The following SGCZ variants were observed in gnomAD, a reference collection of about 807,000 sequenced individuals.
SGCZ encodes the protein zeta-sarcoglycan.
SGCZ carries 40 observed loss-of-function variants against 41.3 expected under a neutral mutation model. The ratio of observed to expected loss-of-function variants is 0.97; its 90% CI spans 0.75 to 1.26. The LOEUF is 1.26. Ranked by LOEUF, SGCZ falls within the 50% of genes most tolerant of loss-of-function variation. SGCZ has a pLI of 0.00. For synonymous variants in SGCZ, 206 were observed against 137.5 expected (o/e 1.50, Z -3.49); for missense variants, 552 against 369.8 (o/e 1.49, Z -4.04).
At chr8:14,867,665 G>A (rs988907142) in intron 1 of SGCZ, among the ~76,000 whole-genome samples, 2 of 151,976 alleles carry the variant, frequency 1.3e-5, no homozygotes, top group African/African-American at 4.8e-5. Context: ...ACTAACACAG[G>A]AACAGAAAAC....
intron 3 of SGCZ, among the ~76,000 whole-genome samples, chr8:14,310,792 G>A (rs1278907896): frequency 1.3e-5 from 2 of 152,048 alleles, no homozygotes; most frequent in Non-Finnish European, 2.9e-5. Context: ...TGTCTTCCAT[G>A]TGAACATTTT....
At position 14,757,522 on chromosome 8, in the gene SGCZ, T is replaced by A. The variant is rs188541903; in HGVS notation, c.40-202596A>T. ...TCAGAGAATAGAAACCTCAGAGCAGTCTAGACTCCTGCAACAGAAATCTTT... is the reference window on the plus strand; with the variant it reads ...TCAGAGAATAGAAACCTCAGAGCAGACTAGACTCCTGCAACAGAAATCTTT... On this transcript the variant is annotated intron_variant, in intron 1 of 7. Transcript: ENST00000382080. 2.6e-5 allele frequency among the ~76,000 whole-genome samples: 4 copies of A among 152,230 alleles called. No homozygotes were observed. The East Asian group carries it at 7.7e-4, about 29-fold the overall frequency.
At chr8:15,055,726 C>A (rs1031091742) in intron 1 of SGCZ, among the ~76,000 whole-genome samples, 2 of 152,154 alleles carry the variant, frequency 1.3e-5, no homozygotes, top group South Asian at 4.1e-4. Flanking sequence ...GCAATGCTTG[C>A]GCAGCTCTCC....
intron 1 of SGCZ, among the ~76,000 whole-genome samples, chr8:14,577,808 TAATC>T (rs1804761221): frequency 6.6e-6 from 1 of 152,230 alleles, no homozygotes; most frequent in Non-Finnish European, 1.5e-5. Context: ...GTGTGTATTG[TAATC>T]AATCAGGCCA....
intron 2 of SGCZ, among the ~76,000 whole-genome samples, chr8:14,439,323 A>ATATATATATATG (rs1296442315): frequency 6.7e-6 from 1 of 148,266 alleles, no homozygotes; most frequent in Non-Finnish European, 1.5e-5. Context: ...ATATATATAT[A>ATATATATATATG]TATATATCTC....
intron 1 of SGCZ, among the ~76,000 whole-genome samples, chr8:15,115,151 G>C (rs1414810357): frequency 1.3e-5 from 2 of 152,196 alleles, no homozygotes; most frequent in African/African-American, 4.8e-5. Flanking sequence ...ACTCCATGCA[G>C]TGATTCAGAG....
intron 2 of SGCZ, among the ~76,000 whole-genome samples, chr8:14,441,870 G>A (rs1800281398): frequency 6.6e-6 from 1 of 152,086 alleles, no homozygotes; most frequent in African/African-American, 2.4e-5. Context: ...CACTGAGAAT[G>A]TTTGTCTTAA....
At position 14,116,262 on chromosome 8, in the gene SGCZ, C is replaced by T. The variant is rs550464134; in HGVS notation, c.548-8027G>A. 3.3e-5 allele frequency among the ~76,000 whole-genome samples: 5 copies of T among 152,148 alleles called. No individual in the cohort carries two copies. The East Asian group carries it at 9.6e-4, about 29-fold the overall frequency. Reference sequence around the variant, plus strand: ...GTATCAATAGCTTTATGAGCCTGAGCTGCATAGTTAATCTACATAAACTGA... The same window carrying T: ...GTATCAATAGCTTTATGAGCCTGAGTTGCATAGTTAATCTACATAAACTGA... On this transcript the variant is annotated intron_variant, in intron 5 of 7. Transcript: ENST00000382080.
At chr8:14,704,782 T>TA (rs765840392) in intron 1 of SGCZ, among the ~76,000 whole-genome samples, 126 of 151,890 alleles carry the variant, frequency 8.3e-4, no homozygotes, top group Non-Finnish European at 1.1e-3. Flanking sequence ...TACTCCTCTT[T>TA]AAAAAACACA....
rs962896894 is a variant in SGCZ at position 14,452,597 on chromosome 8, A to G, written c.234+102135T>C. Among the ~76,000 whole-genome samples, 3 of 152,122 alleles carry G rather than the reference A, an allele frequency of 2.0e-5. No homozygotes were observed. In the South Asian group the frequency reaches 6.2e-4, roughly 31 times the overall value. On this transcript the variant is annotated intron_variant, in intron 2 of 7. Transcript: ENST00000382080. The stretch of plus-strand genomic sequence containing the variant: ...TTAAAGATGGTTTGTAAACACAAAG[A>G]TTTTATTTTGGGTGGTTATGATGTT...
chr8:14,584,192 G>A (rs890503850), intron 1 of SGCZ, among the ~76,000 whole-genome samples: 1 of 152,070 alleles, frequency 6.6e-6, no homozygotes, highest in Non-Finnish European at 1.5e-5. Flanking sequence ...AGACTTGAGA[G>A]GCAGATGAAT....
chr8:14,482,648 C>A (rs1801565571), intron 2 of SGCZ, among the ~76,000 whole-genome samples: 1 of 152,040 alleles, frequency 6.6e-6, no homozygotes, highest in Non-Finnish European at 1.5e-5. Flanking sequence ...GAGAATGTTT[C>A]TGGAAGATAT....
At chr8:14,931,133 C>A (rs1161225348) in intron 1 of SGCZ, among the ~76,000 whole-genome samples, 2 of 151,974 alleles carry the variant, frequency 1.3e-5, no homozygotes, top group Non-Finnish European at 2.9e-5. Flanking sequence ...ATTATATTAG[C>A]TGCATAATTT....
chr8:14,521,996 T>A (rs953696122), intron 2 of SGCZ, among the ~76,000 whole-genome samples: 4 of 152,140 alleles, frequency 2.6e-5, no homozygotes, highest in Non-Finnish European at 5.9e-5. Context: ...AATGTTTTTT[T>A]CTAAATATGT....
chr8:14,282,662 T>A (rs1029428894), intron 3 of SGCZ, among the ~76,000 whole-genome samples: 24 of 152,118 alleles, frequency 1.6e-4, no homozygotes, highest in Non-Finnish European at 2.9e-5. Flanking sequence ...GCCTGCATAT[T>A]CTGTTCTCAG....
At chr8:14,244,191 TCCTCTTCCTTCTTCCTCCTC>T (rs1798996831) in intron 3 of SGCZ, among the ~76,000 whole-genome samples, 2 of 149,852 alleles carry the variant, frequency 1.3e-5, no homozygotes, top group Non-Finnish European at 3.0e-5. Context: ...TTCTTCCTCC[TCCTCTTCCTTCTTCCTCCTC>T]TTCCTTCTTC....
At chr8:14,558,574 T>TAGAG (rs146179658) in intron 1 of SGCZ, among the ~76,000 whole-genome samples, 25,493 of 99,174 alleles carry the variant, frequency 0.26, 3,859 homozygotes, top group Non-Finnish European at 0.34. Context: ...GAATGACTCT[T>TAGAG]AGAGAGAGAG....
intron 1 of SGCZ, among the ~76,000 whole-genome samples, chr8:14,690,114 T>TA (rs1491498308): frequency 1.9e-5 from 1 of 53,974 alleles, no homozygotes; most frequent in Non-Finnish European, 7.7e-5. Flanking sequence ...GTGTTGTCTC[T>TA]TTTTTTTTTT....
chr8:14,500,795 G>A (rs1408908542), intron 2 of SGCZ, among the ~76,000 whole-genome samples: 1 of 151,720 alleles, frequency 6.6e-6, no homozygotes, highest in Non-Finnish European at 1.5e-5. Flanking sequence ...AGGAAATTGT[G>A]GTATCTATAT....
Sources: gnomAD v4.1 joint callset for allele counts (sites outside exome capture counted in the v4.1 genomes callset) on GRCh38, gnomAD v4.1.1 for gene constraint, MANE v1.5 for transcripts, NCBI Gene and HGNC (gene_info 2026-07-23, HGNC 2026-07-21) for gene names.